WIPI1: variants seen among roughly 807,000 people sequenced by gnomAD.
The protein encoded by WIPI1 is WD repeat domain, phosphoinositide interacting 1.
WIPI1 carries 45 observed loss-of-function variants against 55.3 expected under a neutral mutation model. The ratio of observed to expected loss-of-function variants is 0.81; its 90% CI spans 0.64 to 1.04. The LOEUF (loss-of-function observed/expected upper bound fraction) is 1.04, where lower values mean the gene tolerates loss of function less well. WIPI1 is among the 50% of genes least tolerant of loss of function. WIPI1 has a pLI of 0.00. For missense variants in WIPI1, 445 were observed against 559.0 expected (o/e 0.80, Z 2.06); for synonymous variants, 195 against 217.6 (o/e 0.90, Z 0.92).
At chr17:68,456,099 T>G (rs1463804156) in intron 1 of WIPI1, among the ~76,000 whole-genome samples, 3 of 152,230 alleles carry the variant, frequency 2.0e-5, no homozygotes, top group Non-Finnish European at 4.4e-5. Context: ...GAATAGTGTA[T>G]GTGTTATGGG....
intron 4 of WIPI1, among the ~76,000 whole-genome samples, chr17:68,438,557 C>T (rs1006512483): frequency 5.9e-5 from 9 of 152,168 alleles, no homozygotes; most frequent in Non-Finnish European, 1.0e-4. Context: ...GAGTTAAGAC[C>T]TTACAAATGC....
chr17:68,437,005 A>AAGTATATAT (rs10629905), intron 4 of WIPI1, among the ~76,000 whole-genome samples: 1 of 107,192 alleles, frequency 9.3e-6, no homozygotes, highest in Non-Finnish European at 2.1e-5. Context: ...AAAAAAAAAA[A>AAGTATATAT]ATATATATAT....
chr17:68,435,690 G>A lies in WIPI1; in HGVS notation c.551C>T (p.Ala184Val). 4.3e-6 allele frequency: 7 copies of A among 1,614,222 alleles called. No individual in the cohort carries two copies. The highest frequency in any genetic ancestry group is 5.9e-6 in the Non-Finnish European group (7 of 1,180,030). ...GATGGCAGCTAGTGTTCCCTCATGG[G>A]CAGCAATAGTGCAGACTGTTTTCTG... ...NSLKTVCTIA[A>V]HEGTLAAITF... Residue 184 changes from alanine to valine, a missense_variant, in exon 6 of 13, where the codon GCC (alanine) becomes GTC (valine). Coordinates refer to ENST00000262139, the MANE Select transcript of WIPI1 (RefSeq NM_017983.7).
At chr17:68,456,042 A>G (rs2084637977) in intron 1 of WIPI1, among the ~76,000 whole-genome samples, 1 of 152,222 alleles carries the variant, frequency 6.6e-6, no homozygotes, top group South Asian at 2.1e-4. Context: ...GTGAGTCACA[A>G]GCAGCTTAGA....
intron 4 of WIPI1, among the ~76,000 whole-genome samples, chr17:68,441,388 G>A (rs1478945430): frequency 6.6e-6 from 1 of 152,222 alleles, no homozygotes; most frequent in African/African-American, 2.4e-5. Context: ...AATGCATTCA[G>A]GATTTGTGTG....
In WIPI1 at chr17:68,436,419, G is replaced by A; in HGVS notation, c.491C>T (p.Thr164Ile). The A allele has an allele frequency of 6.2e-7, 1 of 1,614,062 alleles. No individual in the cohort carries two copies. The highest frequency in any genetic ancestry group is 8.5e-7 in the Non-Finnish European group (1 of 1,179,950). ...ATCATAAAGCACAATCTCCCCTGAA[G>A]TCAGGCTTCCAGGATAGGCCAGGTA... is the stretch of plus-strand genomic sequence containing the variant. ...NSYLAYPGSLTSGEIVLYDGN... is the reference protein window; with the variant it reads ...NSYLAYPGSLISGEIVLYDGN... Residue 164 changes from threonine (T) to isoleucine (I), a missense_variant, in exon 5 of 13, where the codon ACT becomes ATT. By Grantham distance (89) the Thr-to-Ile change is moderately conservative. Coordinates refer to ENST00000262139, the MANE Select transcript of WIPI1 (RefSeq NM_017983.7).
intron 1 of WIPI1, among the ~76,000 whole-genome samples, chr17:68,453,987 T>C (rs535464308): frequency 3.1e-4 from 47 of 152,328 alleles, no homozygotes; most frequent in African/African-American, 1.1e-3. Context: ...CTTTCTACTA[T>C]ATCCTACAAA....
chr17:68,433,356 G>T, intron 8 of WIPI1, 112 bp downstream of exon 8: 1 of 1,044,726 alleles, frequency 9.6e-7, no homozygotes, highest in Non-Finnish European at 1.4e-6. Flanking sequence ...GAAGTCCCAA[G>T]TGAAGCCAAG....
In WIPI1 at chr17:68,430,096, A is replaced by G; in HGVS notation, c.865T>C (p.Tyr289His). Residue 289 changes from tyrosine to histidine, a missense_variant, in exon 9 of 13, where the codon TAC becomes CAC. By Grantham distance (83) the Tyr-to-His change is moderately conservative. Transcript: ENST00000262139. ...ATGTCTGACACCTGGGTAGGGAGGT[A>G]GTTGGTAGCAGCCATAAACATCTTT... The part of the protein sequence containing the change: ...MGKMFMAATN[Y>H]LPTQVSDMMH... The G allele has an allele frequency of 6.2e-7, 1 of 1,614,142 alleles. No individual in the cohort carries two copies.
chr17:68,455,235 C>A (rs969576033), intron 1 of WIPI1, among the ~76,000 whole-genome samples: 1 of 151,666 alleles, frequency 6.6e-6, no homozygotes, highest in East Asian at 1.9e-4. Flanking sequence ...TGGTGGTACA[C>A]GTTTGTAATC....
rs549726154 is a variant in WIPI1 at position 68,450,428 on chromosome 17, A to G, written c.333+300T>C. ...CTTGCGGTGGCTCATGGGACTGTCCAAGCCAGAGCTCTGACCCATCCCTGC... is the reference window on the plus strand; with the variant it reads ...CTTGCGGTGGCTCATGGGACTGTCCGAGCCAGAGCTCTGACCCATCCCTGC... On this transcript the variant is annotated intron_variant, in intron 3 of 12. Coordinates refer to ENST00000262139, the MANE Select transcript of WIPI1 (RefSeq NM_017983.7). 5.9e-5 allele frequency among the ~76,000 whole-genome samples: 9 copies of G among 152,312 alleles called. No individual in the cohort carries two copies. In the South Asian group the frequency reaches 1.7e-3, roughly 28 times the overall value.
At position 68,447,850 on chromosome 17, in the gene WIPI1, G is replaced by A. The variant is rs143874987; in HGVS notation, c.333+2878C>T. Among the ~76,000 whole-genome samples, 1,223 of 151,894 alleles carry A rather than the reference G, an allele frequency of 8.1e-3. 13 individuals carry two copies. Among genetic ancestry groups the A allele is most frequent in the African/African-American group, 0.025 (1,026 of 41,432 alleles). On this transcript the variant is annotated intron_variant, in intron 3 of 12. Transcript: ENST00000262139. ...TACTAAAAATACAAAAACATTAGCC[G>A]GGCGTGGTGGCAGGTGCTTGTAGTC...
At chr17:68,426,251 G>GGGGC in intron 11 of WIPI1, 76 bp from the exon 12 acceptor site, 2 of 825,458 alleles carry the variant, frequency 2.4e-6, no homozygotes, top group South Asian at 1.3e-5. Flanking sequence ...GTGGGGAGCG[G>GGGGC]GGGCTCAAAT....
chr17:68,454,913 C>T (rs576770929), intron 1 of WIPI1, among the ~76,000 whole-genome samples: 1 of 150,724 alleles, frequency 6.6e-6, no homozygotes, highest in Non-Finnish European at 1.5e-5. Flanking sequence ...TGATGTTTTA[C>T]GTGATTGATC....
chr17:68,451,856 C>T (rs766593042), intron 2 of WIPI1, among the ~76,000 whole-genome samples: 1 of 152,204 alleles, frequency 6.6e-6, no homozygotes, highest in East Asian at 1.9e-4. Flanking sequence ...ACAAAGGTTA[C>T]GGCTTTGGTA....
At chr17:68,424,542 C>T (rs765949725) in intron 12 of WIPI1, 1 of 531,290 alleles carries the variant, frequency 1.9e-6, no homozygotes, top group Admixed American at 2.0e-5. Context: ...GTGGCAGCTC[C>T]TCTCTGGCTC....
intron 4 of WIPI1, among the ~76,000 whole-genome samples, chr17:68,436,993 CAAAAAAA>C (rs139267277): frequency 2.4e-5 from 3 of 124,672 alleles, no homozygotes; most frequent in African/African-American, 8.3e-5. Flanking sequence ...GACCCCGTCT[CAAAAAAA>C]AAAAAATATA....
intron 4 of WIPI1, among the ~76,000 whole-genome samples, chr17:68,436,814 T>C (rs1199138815): frequency 6.6e-6 from 1 of 151,952 alleles, no homozygotes; most frequent in African/African-American, 2.4e-5. Flanking sequence ...CTGGCCAACA[T>C]GGTGAAACCC....
intron 12 of WIPI1, chr17:68,422,588 G>A (rs2082869719): frequency 6.6e-6 from 1 of 151,944 alleles, no homozygotes; most frequent in African/African-American, 2.4e-5. Flanking sequence ...AAATTTAGCT[G>A]GGCATGGTAG....
Sources: gnomAD v4.1 joint callset for allele counts (sites outside exome capture counted in the v4.1 genomes callset) on GRCh38, gnomAD v4.1.1 for gene constraint, MANE v1.5 for transcripts, NCBI Gene and HGNC (gene_info 2026-07-23, HGNC 2026-07-21) for gene names.